TACR3: variants seen among roughly 807,000 people sequenced by gnomAD.
TACR3 encodes neuromedin-K receptor.
A neutral mutation model predicts 35.0 loss-of-function variants in TACR3; 34 were observed. That is an observed-to-expected ratio of 0.97 (90% CI 0.74 to 1.30). The LOEUF (loss-of-function observed/expected upper bound fraction) is 1.30. Ranked by LOEUF, TACR3 falls within the 50% of genes most tolerant of loss-of-function variation. The pLI is 0.00. For missense variants in TACR3, 558 were observed against 591.7 expected (o/e 0.94, Z 0.59); for synonymous variants, 233 against 221.1 (o/e 1.05, Z -0.48).
chr4:103,669,427 T>C (rs1726005412), intron 1 of TACR3, among the ~76,000 whole-genome samples: 1 of 152,188 alleles, frequency 6.6e-6, no homozygotes, highest in Non-Finnish European at 1.5e-5. Context: ...ACCTCCATAC[T>C]GTTTTCTAGC....
At chr4:103,640,279 A>G (rs1305391889) in intron 3 of TACR3, among the ~76,000 whole-genome samples, 2 of 152,102 alleles carry the variant, frequency 1.3e-5, no homozygotes, top group Non-Finnish European at 2.9e-5. Context: ...TGTTACACAC[A>G]ATATCATAAA....
At chr4:103,668,091 C>G (rs1255661933) in intron 1 of TACR3, among the ~76,000 whole-genome samples, 6 of 152,228 alleles carry the variant, frequency 3.9e-5, no homozygotes, top group African/African-American at 1.4e-4. Flanking sequence ...CTCAGTCTCC[C>G]AAATTGGTGA....
rs575485138 is a variant in TACR3, at chr4:103,596,753, G to A, written c.889-5070C>T. 1.3e-4 allele frequency among the ~76,000 whole-genome samples: 19 copies of A among 143,820 alleles called. No individual in the cohort carries two copies. The East Asian group carries it at 1.5e-3, about 11-fold the overall frequency. 94.4% of individuals were successfully genotyped at this position (143,820 alleles called of 152,430 possible). On this transcript the variant is annotated intron_variant, in intron 3 of 4. Coordinates refer to ENST00000304883, the MANE Select transcript of TACR3 (RefSeq NM_001059.3). The stretch of plus-strand genomic sequence containing the variant: ...TATCTCCTAATGCTATCCCTCCCCC[G>A]TCCCCCTACCCCACAAGAGTCCCCA...
chr4:103,687,886 A>T (rs932884275), intron 1 of TACR3, among the ~76,000 whole-genome samples: 3 of 152,050 alleles, frequency 2.0e-5, no homozygotes, highest in African/African-American at 7.2e-5. Context: ...TCACAGAATT[A>T]GAAAAAACTA....
rs950254837 is a variant in TACR3, at chr4:103,719,573, C to A, written c.103G>T (p.Gly35Trp). 1.9e-6 allele frequency: 3 copies of A among 1,610,132 alleles called. No homozygotes were observed. Among genetic ancestry groups the A allele is most frequent in the South Asian group, 1.1e-5 (1 of 90,792 alleles). ...TASLAAGAAT[G>W]AVETGWLQLL... is the part of the protein sequence containing the mutation. ...TGCAGCCACCCAGTCTCAACTGCCC[C>A]CGTGGCCGCCCCGGCAGCTAGCGAG... Residue 35 changes from glycine to tryptophan, a missense_variant, in exon 1 of 5, where the codon GGG (glycine) becomes TGG (tryptophan). By Grantham distance (184) the Gly-to-Trp change is radical. Coordinates refer to ENST00000304883, the MANE Select transcript of TACR3 (RefSeq NM_001059.3).
intron 1 of TACR3, among the ~76,000 whole-genome samples, chr4:103,669,267 AAAGTT>A (rs1578250507): frequency 1.3e-5 from 2 of 152,300 alleles, no homozygotes; most frequent in East Asian, 1.9e-4. Flanking sequence ...TCATTGATGA[AAAGTT>A]AAGTTGATTC....
intron 3 of TACR3, among the ~76,000 whole-genome samples, chr4:103,633,430 C>T (rs1725111203): frequency 6.6e-6 from 1 of 151,700 alleles, no homozygotes; most frequent in Non-Finnish European, 1.5e-5. Context: ...TTTATTTTTC[C>T]ATAAGTTATT....
intron 3 of TACR3, among the ~76,000 whole-genome samples, chr4:103,615,916 T>A (rs968151137): frequency 7.2e-5 from 11 of 152,362 alleles, no homozygotes; most frequent in Middle Eastern, 3.4e-3. Context: ...CTTGTCTATA[T>A]ATCTACTCCT....
At chr4:103,675,141 C>T (rs922445796) in intron 1 of TACR3, among the ~76,000 whole-genome samples, 10 of 152,136 alleles carry the variant, frequency 6.6e-5, no homozygotes, top group African/African-American at 2.2e-4. Context: ...CTGTTGAAGT[C>T]TTATGCATCC....
chr4:103,712,834 CA>C (rs1158110913), intron 1 of TACR3, among the ~76,000 whole-genome samples: 1 of 152,166 alleles, frequency 6.6e-6, no homozygotes, highest in African/African-American at 2.4e-5. Flanking sequence ...AGACACTTCT[CA>C]AAAGAAGACA....
At chr4:103,678,406 G>T (rs1726220430) in intron 1 of TACR3, among the ~76,000 whole-genome samples, 2 of 151,976 alleles carry the variant, frequency 1.3e-5, no homozygotes, top group South Asian at 2.1e-4. Context: ...TTGTGCAAGT[G>T]GAATAAAGCA....
intron 1 of TACR3, among the ~76,000 whole-genome samples, chr4:103,682,546 C>A (rs1560529496): frequency 6.6e-6 from 1 of 152,088 alleles, no homozygotes; most frequent in Non-Finnish European, 1.5e-5. Context: ...GATTCAATCA[C>A]CTCCTACCTG....
intron 1 of TACR3, among the ~76,000 whole-genome samples, chr4:103,707,873 G>A (rs1722832293): frequency 6.6e-6 from 1 of 152,200 alleles, no homozygotes; most frequent in African/African-American, 2.4e-5. Context: ...CTGGCTCAGA[G>A]GGTCCCACAC....
chr4:103,700,883 T>C (rs899387299), intron 1 of TACR3, among the ~76,000 whole-genome samples: 1 of 152,170 alleles, frequency 6.6e-6, no homozygotes, highest in African/African-American at 2.4e-5. Context: ...AAATTAGGTA[T>C]TGATGGGACG....
In TACR3 at chr4:103,677,048, A is replaced by C. The variant is rs1309252986; in HGVS notation, c.549-18645T>G. Among the ~76,000 whole-genome samples, 7 of 152,212 alleles carry C rather than the reference A, an allele frequency of 4.6e-5. No homozygotes were observed. In the East Asian group the frequency reaches 1.2e-3, roughly 25 times the overall value. Reference sequence around the variant, plus strand: ...AGCAACCCCATTAAAAAGTGGACAAAGGACGAGAACAGACATTTCTCAAAA... The same window carrying C: ...AGCAACCCCATTAAAAAGTGGACAACGGACGAGAACAGACATTTCTCAAAA... On this transcript the variant is annotated intron_variant, in intron 1 of 4. Coordinates refer to ENST00000304883, the MANE Select transcript of TACR3 (RefSeq NM_001059.3).
intron 3 of TACR3, among the ~76,000 whole-genome samples, chr4:103,592,280 T>C (rs1723913588): frequency 6.6e-6 from 1 of 152,210 alleles, no homozygotes; most frequent in African/African-American, 2.4e-5. Flanking sequence ...TTCACGTTAG[T>C]GTGAGGAAAA....
At chr4:103,691,248 T>C (rs1472061625) in intron 1 of TACR3, among the ~76,000 whole-genome samples, 1 of 152,102 alleles carries the variant, frequency 6.6e-6, no homozygotes, top group Non-Finnish European at 1.5e-5. Flanking sequence ...AGCCATACAG[T>C]GGAATACCCT....
chr4:103,706,596 GAGAA>G (rs1722796566), intron 1 of TACR3, among the ~76,000 whole-genome samples: 1 of 152,102 alleles, frequency 6.6e-6, no homozygotes, highest in South Asian at 2.1e-4. Context: ...TGCATAGGGA[GAGAA>G]AGAAAGTACA....
chr4:103,653,765 A>G (rs1725672761), intron 3 of TACR3, among the ~76,000 whole-genome samples: 1 of 152,040 alleles, frequency 6.6e-6, no homozygotes, highest in African/African-American at 2.4e-5. Flanking sequence ...CAGGCAACCC[A>G]CAAAATGGGA....
Sources: gnomAD v4.1 joint callset for allele counts (sites outside exome capture counted in the v4.1 genomes callset) on GRCh38, gnomAD v4.1.1 for gene constraint, MANE v1.5 for transcripts, NCBI Gene and HGNC (gene_info 2026-07-23, HGNC 2026-07-21) for gene names.